DPM1: variants seen among roughly 807,000 people sequenced by gnomAD.
DPM1 encodes dolichol-phosphate mannosyltransferase subunit 1.
A neutral mutation model predicts 39.0 loss-of-function variants in DPM1; 27 were observed. The observed-to-expected ratio is 0.69, with a 90% CI of 0.51 to 0.95. DPM1 has a LOEUF of 0.95. Among genes scored for constraint, DPM1 ranks in the 40% least tolerant of loss-of-function variants. DPM1 has a pLI of 0.00. For missense variants in DPM1, 307 were observed against 315.6 expected, an observed-to-expected ratio of 0.97 and a Z score of 0.21; for synonymous variants, 124 against 109.0, an observed-to-expected ratio of 1.14 and a Z score of -0.86.
intron 7 of DPM1, among the ~76,000 whole-genome samples, chr20:50,940,086 TTG>T (rs11469059): frequency 0.092 from 13,404 of 146,360 alleles, 662 homozygotes; most frequent in African/African-American, 0.13. Context: ...AGGTCCTAAT[TTG>T]TGTGTGTGTG....
chr20:50,957,287 G>T (rs575711308), intron 1 of DPM1, among the ~76,000 whole-genome samples: 3 of 152,334 alleles, frequency 2.0e-5, no homozygotes, highest in African/African-American at 7.2e-5. Context: ...CAGGCACTCT[G>T]AAGAATGGAG....
intron 2 of DPM1, among the ~76,000 whole-genome samples, chr20:50,950,893 AACAAACAT>A (rs1157880474): frequency 6.6e-6 from 1 of 151,224 alleles, no homozygotes; most frequent in African/African-American, 2.5e-5. Flanking sequence ...CAAACAAACA[AACAAACAT>A]AACTTTGTTA....
chr20:50,945,465 T>C (rs564032237), intron 5 of DPM1, among the ~76,000 whole-genome samples: 2 of 152,234 alleles, frequency 1.3e-5, no homozygotes, highest in East Asian at 3.9e-4. Flanking sequence ...CTGAGCCGCC[T>C]GAGTAGCTGG....
At position 50,934,903 on chromosome 20, in the gene DPM1, G is replaced by T; in HGVS notation, c.*229C>A. ...AAAAAAAATATACATTTATTTATAG[G>T]TCTCAATACAGCAAAATGAAAACGA... On this transcript the variant is annotated 3_prime_UTR_variant, in exon 9 of 9. Transcript: ENST00000371588. 2.5e-6 allele frequency: 1 copy of T among 404,878 alleles called. No individual in the cohort carries two copies. The allele number at this position is 404,878 out of a possible 1,614,324, so 25.1% of individuals were successfully genotyped here.
rs2273025 is a variant in DPM1 at position 50,955,059 on chromosome 20, A to C, written c.261+127T>G. On this transcript the variant is annotated intron_variant, in intron 2 of 8. Coordinates refer to ENST00000371588, the MANE Select transcript of DPM1 (RefSeq NM_003859.3). ...ACAACAAAAATGCATTTAAATCCCA[A>C]ATGCGTAAGTTGCTCTTTATCTTTT... 129 of 796,442 alleles carry C rather than the reference A, an allele frequency of 1.6e-4. No homozygotes were observed. In the East Asian group the frequency reaches 3.4e-3, roughly 21 times the overall value. 49.3% of individuals were successfully genotyped at this position (796,442 alleles called of 1,614,324 possible).
intron 8 of DPM1, 63 bp from the exon 9 acceptor site, chr20:50,935,299 A>G: frequency 1.0e-6 from 1 of 956,496 alleles, no homozygotes; most frequent in Non-Finnish European, 1.7e-6. Flanking sequence ...TAGCCGGTAT[A>G]CCACATTACC....
At chr20:50,955,348 A>T in intron 1 of DPM1, 63 bp from the exon 2 acceptor site, 6 of 1,143,146 alleles carry the variant, frequency 5.2e-6, no homozygotes, top group Non-Finnish European at 7.8e-6. Context: ...AAGTAATTTA[A>T]AAATTACTAA....
intron 7 of DPM1, among the ~76,000 whole-genome samples, chr20:50,939,096 C>T (rs1985476782): frequency 6.6e-6 from 1 of 152,192 alleles, no homozygotes; most frequent in African/African-American, 2.4e-5. Flanking sequence ...AAATCCAGAA[C>T]TCCCAGGCCA....
In DPM1 at chr20:50,941,525, C is replaced by T. The variant is rs113194087; in HGVS notation, c.494+506G>A. On this transcript the variant is annotated intron_variant, in intron 6 of 8. Transcript: ENST00000371588. ...TCAGGAGTTCGAGGGCAACCTGGGC[C>T]ACATGGTGAAACCCCATCTCTATGA... 7.9e-3 allele frequency among the ~76,000 whole-genome samples: 1,188 copies of T among 151,070 alleles called. 25 individuals are homozygous for T. Among genetic ancestry groups the T allele is most frequent in the African/African-American group, 0.027 (1,101 of 41,104 alleles).
In DPM1 at chr20:50,958,423, T is replaced by C; in HGVS notation, c.101A>G (p.Tyr34Cys). ...QNKYSVLLPTYNERENLPLIV... is the reference protein window; with the variant it reads ...QNKYSVLLPTCNERENLPLIV... Reference sequence around the variant, plus strand: ...GAGCGGCAGGTTCTCGCGCTCGTTGTAGGTAGGTAAAAGCACCGAATATTT... The same window carrying C: ...GAGCGGCAGGTTCTCGCGCTCGTTGCAGGTAGGTAAAAGCACCGAATATTT... Residue 34 changes from tyrosine (Y) to cysteine (C), a missense_variant, in exon 1 of 9, where the codon TAC (tyrosine) becomes TGC (cysteine). Around this residue, in one of 3 missense-constraint regions of DPM1, gnomAD observed 206 missense variants for 188.2 expected, o/e 1.09. Transcript: ENST00000371588. 6.2e-7 allele frequency: 1 copy of C among 1,614,076 alleles called. No individual in the cohort carries two copies. The highest frequency in any genetic ancestry group is 1.1e-5 in the South Asian group (1 of 91,070).
chr20:50,949,385 T>C (rs1419889341), intron 2 of DPM1, among the ~76,000 whole-genome samples: 1 of 152,190 alleles, frequency 6.6e-6, no homozygotes, highest in Non-Finnish European at 1.5e-5. Flanking sequence ...AATACTAATA[T>C]CACTCTTCCT....
chr20:50,948,419 A>G (rs1264993337), intron 3 of DPM1, among the ~76,000 whole-genome samples: 2 of 152,150 alleles, frequency 1.3e-5, no homozygotes, highest in African/African-American at 4.8e-5. Context: ...AATTCCCTAC[A>G]CTGAAAGACT....
intron 7 of DPM1, 152 bp downstream of exon 7, chr20:50,940,713 G>C (rs965212296): frequency 1.6e-5 from 11 of 691,328 alleles, no homozygotes; most frequent in Non-Finnish European, 2.5e-5. Context: ...GAGATGTTTA[G>C]GCTTCATTAG....
chr20:50,949,860 ACAAGT>A (rs1424921995), intron 2 of DPM1, among the ~76,000 whole-genome samples: 1 of 151,494 alleles, frequency 6.6e-6, no homozygotes, highest in African/African-American at 2.4e-5. Context: ...GTGTATCCTT[ACAAGT>A]CAAGTCTTTT....
chr20:50,939,358 CTTTT>C (rs1467633572), intron 7 of DPM1, among the ~76,000 whole-genome samples: 2 of 151,966 alleles, frequency 1.3e-5, no homozygotes, highest in Admixed American at 1.3e-4. Context: ...AATCAGAGAT[CTTTT>C]TTGTTTTTTT....
In DPM1 at chr20:50,936,161, T is replaced by A; in HGVS notation, c.665A>T (p.Tyr222Phe). The A allele has an allele frequency of 6.2e-7, 1 of 1,612,114 alleles. No homozygotes were observed. Residue 222 changes from tyrosine (Y) to phenylalanine (F), a missense_variant, in exon 8 of 9, where the codon TAT becomes TTT. This residue lies in a region of DPM1 where 70 missense variants were observed against 69.4 expected (regional missense o/e 1.01). Coordinates refer to ENST00000371588, the MANE Select transcript of DPM1 (RefSeq NM_003859.3). ...TCAGTTGCATACCTCGCCAATAGTA[T>A]AATTCAACTGTCTTGCCCGAACAAT... ...EMIVRARQLN[Y>F]TIGEVPISFV... is the part of the protein sequence containing the mutation.
rs537360943 is a variant in DPM1 at position 50,947,219 on chromosome 20, A to T, written c.296-1296T>A. ...GCGAAACTCCGTCTCAAACAAACAA[A>T]AATTAGCCGGGCATGGTGGTACACG... On this transcript the variant is annotated intron_variant, in intron 3 of 8. Coordinates refer to ENST00000371588, the MANE Select transcript of DPM1 (RefSeq NM_003859.3). 3.4e-4 allele frequency among the ~76,000 whole-genome samples: 52 copies of T among 152,222 alleles called. No individual in the cohort carries two copies. The South Asian group carries it at 0.01, about 30-fold the overall frequency.
At chr20:50,937,451 A>T (rs1985292870) in intron 7 of DPM1, among the ~76,000 whole-genome samples, 1 of 151,888 alleles carries the variant, frequency 6.6e-6, no homozygotes, top group Non-Finnish European at 1.5e-5. Context: ...ACTGGGTTTC[A>T]GGTTTTTTTT....
chr20:50,936,413 T>A, intron 7 of DPM1, 151 bp from the exon 8 acceptor site: 1 of 593,910 alleles, frequency 1.7e-6, no homozygotes, highest in Non-Finnish European at 3.0e-6. Flanking sequence ...ATGATTATGA[T>A]ACATTTGTCC....
Sources: allele counts gnomAD v4.1 joint callset (sites outside exome capture counted in the v4.1 genomes callset), GRCh38; gene constraint gnomAD v4.1.1; regional missense constraint gnomAD v4.1.1; transcripts MANE v1.5; gene names NCBI Gene and HGNC (gene_info 2026-07-23, HGNC 2026-07-21).